The following PDE1C variants were observed in gnomAD, a reference collection of about 807,000 sequenced individuals.
PDE1C encodes the protein phosphodiesterase 1C, also known as dual specificity calcium/calmodulin-dependent 3',5'-cyclic nucleotide phosphodiesterase 1C.
In PDE1C, 62 loss-of-function variants were observed where a neutral mutation model predicts 93.1. The ratio of observed to expected loss-of-function variants is 0.67; its 90% confidence interval spans 0.54 to 0.82. The LOEUF (loss-of-function observed/expected upper bound fraction) is 0.82. Among genes scored for constraint, PDE1C ranks in the 40% least tolerant of loss-of-function variants. The pLI, the probability that PDE1C is intolerant of heterozygous loss-of-function variation, is 0.00. For synonymous variants in PDE1C, 325 were observed against 310.1 expected (o/e 1.05, Z -0.50); for missense variants, 742 against 884.6 (o/e 0.84, Z 2.04).
chr7:31,843,986 G>C (rs982908551), intron 9 of PDE1C, among the ~76,000 whole-genome samples: 2 of 151,510 alleles, frequency 1.3e-5, no homozygotes, highest in Admixed American at 6.6e-5. Flanking sequence ...TAAAAATCCT[G>C]CAACAGTATA....
chr7:32,015,367 C>T lies in PDE1C; in HGVS notation c.128+36187G>A, dbSNP rs534616158. Among the ~76,000 whole-genome samples, 324 of 151,984 alleles carry T rather than the reference C, an allele frequency of 2.1e-3. 2 individuals carry two copies. The highest frequency in any genetic ancestry group is 1.6e-3 in the Non-Finnish European group (111 of 67,996). On this transcript the variant is annotated intron_variant, in intron 2 of 17. Coordinates refer to ENST00000396191, the MANE Select transcript of PDE1C (RefSeq NM_001191057.4). ...ACTGGGAGGAGACACTAATTCTCCA[C>T]CCCAGGTGGCCTCACTACTGACATT...
chr7:32,401,058 CA>C (rs1175789972), intron 1 of PDE1C, among the ~76,000 whole-genome samples: 2 of 152,232 alleles, frequency 1.3e-5, no homozygotes, highest in Non-Finnish European at 2.9e-5. Context: ...AGGTCATGGT[CA>C]TAACCTTCTT....
intron 2 of PDE1C, among the ~76,000 whole-genome samples, chr7:32,004,510 A>G (rs1039888296): frequency 6.6e-6 from 1 of 152,160 alleles, no homozygotes; most frequent in Non-Finnish European, 1.5e-5. Flanking sequence ...CGCTAGTCCA[A>G]GTGAGTCCTG....
the PDE1C span, among the ~76,000 whole-genome samples, chr7:31,709,977 C>T: frequency 1.3e-5 from 2 of 152,076 alleles, no homozygotes; most frequent in African/African-American, 2.4e-5. Flanking sequence ...CAGAGAGACT[C>T]TGTCTCCACA....
At chr7:31,803,802 G>A (rs1189023229) in intron 16 of PDE1C, among the ~76,000 whole-genome samples, 1 of 151,952 alleles carries the variant, frequency 6.6e-6, no homozygotes, top group Non-Finnish European at 1.5e-5. Context: ...TATCGTTGTT[G>A]GACATTTAGG....
At chr7:31,893,782 C>T (rs1798928946) in intron 2 of PDE1C, among the ~76,000 whole-genome samples, 1 of 151,990 alleles carries the variant, frequency 6.6e-6, no homozygotes, top group African/African-American at 2.4e-5. Flanking sequence ...ACAAAGCACT[C>T]CACTTGCCCC....
At chr7:32,267,120 C>A (rs1810633003) in intron 1 of PDE1C, among the ~76,000 whole-genome samples, 1 of 152,242 alleles carries the variant, frequency 6.6e-6, no homozygotes, top group South Asian at 2.1e-4. Context: ...CGACCCAAAG[C>A]CCTGAGCAGC....
chr7:31,858,527 C>A (rs1794292115), intron 7 of PDE1C, among the ~76,000 whole-genome samples: 1 of 152,074 alleles, frequency 6.6e-6, no homozygotes, highest in South Asian at 2.1e-4. Flanking sequence ...TAGCAAAATA[C>A]AGCCTACCCT....
chr7:32,207,355 C>CAAA (rs568631714), intron 2 of PDE1C, among the ~76,000 whole-genome samples: 4 of 110,032 alleles, frequency 3.6e-5, no homozygotes, highest in Non-Finnish European at 3.8e-5. Flanking sequence ...CTTCCAGTCT[C>CAAA]AAAAAAAAAA....
chr7:32,120,919 T>C (rs1799266324), intron 3 of PDE1C, among the ~76,000 whole-genome samples: 2 of 152,016 alleles, frequency 1.3e-5, no homozygotes, highest in East Asian at 1.9e-4. Context: ...AGATGGGTAA[T>C]AAAAAACTCC....
chr7:31,635,566 T>C, the PDE1C span, among the ~76,000 whole-genome samples: 3 of 152,212 alleles, frequency 2.0e-5, no homozygotes, highest in East Asian at 1.9e-4. Context: ...GCAACAGTTA[T>C]ATCACAAGTA....
Position 32,176,994 on chromosome 7 carries a change from A to C in PDE1C, c.137-7038T>G, listed in dbSNP as rs1362304602. Among the ~76,000 whole-genome samples the C allele has an allele frequency of 1.3e-5, 2 of 152,252 alleles. 1 individual carries two copies. The highest frequency in any genetic ancestry group is 2.9e-5 in the Non-Finnish European group (2 of 68,044). ...GAAGAGATGTTTGCTGAATGAATTC[A>C]TAAATGATAGACTATTTTTCAAAAA... On this transcript the variant is annotated intron_variant, in intron 2 of 18. Transcript: ENST00000396193.
chr7:31,665,784 A>G, the PDE1C span, among the ~76,000 whole-genome samples: 1 of 152,194 alleles, frequency 6.6e-6, no homozygotes, highest in African/African-American at 2.4e-5. Flanking sequence ...TTCTAAAAGG[A>G]ACAAACTCCC....
chr7:32,310,303 G>A (rs556438396), intron 1 of PDE1C, among the ~76,000 whole-genome samples: 3 of 152,122 alleles, frequency 2.0e-5, no homozygotes, highest in Admixed American at 1.3e-4. Context: ...TTAATAATGG[G>A]AGACTTTAAC....
At position 32,169,581 on chromosome 7, in the gene PDE1C, A is replaced by G. The variant is rs12701178; in HGVS notation, c.308+204T>C. 0.23 allele frequency among the ~76,000 whole-genome samples: 34,243 copies of G among 152,128 alleles called. 4,604 individuals are homozygous for G. The highest frequency in any genetic ancestry group is 0.34 in the Admixed American group (5,173 of 15,292). ...CCAATTAAATACCAACAGCAACTTA[A>G]CTACTGATAAGATCTTCACTACATT... On this transcript the variant is annotated intron_variant, in intron 3 of 18. Transcript: ENST00000396193.
At chr7:32,147,251 GAAAA>G (rs1283132728) in intron 3 of PDE1C, among the ~76,000 whole-genome samples, 1 of 70,258 alleles carries the variant, frequency 1.4e-5, no homozygotes, top group Non-Finnish European at 2.8e-5. Context: ...AAGAAAGAAA[GAAAA>G]GAAAGAAAGA....
intron 17 of PDE1C, among the ~76,000 whole-genome samples, chr7:31,758,506 G>A (rs1312253178): frequency 6.6e-6 from 1 of 152,050 alleles, no homozygotes; most frequent in Non-Finnish European, 1.5e-5. Flanking sequence ...ATTCTAATAA[G>A]ATCCTTCGAA....
intron 1 of PDE1C, among the ~76,000 whole-genome samples, chr7:32,396,136 G>A (rs965234357): frequency 6.6e-6 from 1 of 152,106 alleles, no homozygotes; most frequent in African/African-American, 2.4e-5. Flanking sequence ...CTATGAGGGT[G>A]GACTAGCCCC....
intron 3 of PDE1C, among the ~76,000 whole-genome samples, chr7:32,136,932 T>C (rs776183869): frequency 3.5e-4 from 53 of 152,196 alleles, no homozygotes; most frequent in Non-Finnish European, 5.9e-5. Context: ...CAGTCCTTAA[T>C]AGAAAAGAAG....
Sources: gnomAD v4.1 joint callset for allele counts (sites outside exome capture counted in the v4.1 genomes callset) on GRCh38, gnomAD v4.1.1 for gene constraint, MANE v1.5 for transcripts, NCBI Gene and HGNC (gene_info 2026-07-23, HGNC 2026-07-21) for gene names.